Variants in GCNT3 observed in about 807,000 individuals in gnomAD.
GCNT3 encodes the protein beta-1,3-galactosyl-O-glycosyl-glycoprotein beta-1,6-N-acetylglucosaminyltransferase 3.
For synonymous variants in GCNT3, 269 were observed against 195.2 expected (o/e 1.38, Z -3.15); for missense variants, 708 against 530.3 (o/e 1.34, Z -3.29).
Position 59,619,052 on chromosome 15 carries a change from G to T in GCNT3, c.814G>T (p.Val272Leu). The T allele has an allele frequency of 6.2e-7, 1 of 1,614,132 alleles. No homozygotes were observed. Among genetic ancestry groups the T allele is most frequent in the Non-Finnish European group, 8.5e-7 (1 of 1,179,976 alleles). Residue 272 changes from valine (V) to leucine (L), a missense_variant, in exon 3 of 3, where the codon GTG (valine) becomes TTG (leucine). Val to Leu is a conservative substitution (Grantham distance 32). Coordinates refer to ENST00000396065, the MANE Select transcript of GCNT3 (RefSeq NM_004751.3). ...CCGCTGGAAATATCACTTTGAGGTA[G>T]TGAGAGACACATTACACCTAACCAA... The part of the protein sequence containing the change: ...ETRWKYHFEV[V>L]RDTLHLTNKK...
rs1339999286 is a variant in GCNT3, at chr15:59,617,174, C to CT, written c.-61+296dup. ...TCTTTATTTTTCTTTTGTTTTCTTT[C>CT]TTTCTTTTTTTTTTTTTAAAGGGGC... On this transcript the variant is annotated intron_variant, in intron 2 of 2. Transcript: ENST00000396065. Among the ~76,000 whole-genome samples the CT allele has an allele frequency of 6.5e-4, 86 of 132,312 alleles. 1 individual carries two copies. In the East Asian group the frequency reaches 8.1e-3, roughly 12 times the overall value. 86.8% of individuals were successfully genotyped at this position (132,312 alleles called of 152,430 possible).
At position 59,620,726 on chromosome 15, in the gene GCNT3, A is replaced by G. The variant is rs1485932724; in HGVS notation, c.*1171A>G. ...AGCCAATCAGGTAAGGTAATGTGTA[A>G]TTCATTATTCAAAGTGGAACATGTT... On this transcript the variant is annotated 3_prime_UTR_variant, in exon 3 of 3. Coordinates refer to ENST00000396065, the MANE Select transcript of GCNT3 (RefSeq NM_004751.3). The G allele has an allele frequency of 6.0e-6, 1 of 167,024 alleles. No individual in the cohort carries two copies. The highest frequency in any genetic ancestry group is 1.5e-5 in the Non-Finnish European group (1 of 68,116). The allele number at this position is 167,024 out of a possible 1,614,324, so 10.3% of individuals were successfully genotyped here.
rs1430842043 is a variant in GCNT3 at position 59,618,678 on chromosome 15, A to C, written c.440A>C (p.Glu147Ala). The C allele has an allele frequency of 1.2e-6, 2 of 1,614,076 alleles. No individual in the cohort carries two copies. Among genetic ancestry groups the C allele is most frequent in the African/African-American group, 2.7e-5 (2 of 74,936 alleles). ...ATTCATGAGAAGATTGAAAACTTTG[A>C]AAGGCTACTGCGAGCTGTGTATGCC... ...MVIHEKIENF[E>A]RLLRAVYAPQ... The change falls in exon 3 of 3, where the codon GAA becomes GCA. Residue 147 changes from glutamate (E) to alanine (A), a missense_variant. Coordinates refer to ENST00000396065, the MANE Select transcript of GCNT3 (RefSeq NM_004751.3).
At chr15:59,612,934 A>G (rs1244241866) in intron 1 of GCNT3, among the ~76,000 whole-genome samples, 14 of 151,814 alleles carry the variant, frequency 9.2e-5, no homozygotes, top group Non-Finnish European at 8.8e-5. Flanking sequence ...CCCTCACTAC[A>G]TCATAAACAT....
intron 1 of GCNT3, among the ~76,000 whole-genome samples, chr15:59,614,231 A>G (rs1171376487): frequency 2.0e-5 from 3 of 152,212 alleles, no homozygotes; most frequent in African/African-American, 7.2e-5. Context: ...TTTATACTCA[A>G]CAATGGAAAG....
chr15:59,612,127 A>C (rs1388863848), intron 1 of GCNT3, 146 bp downstream of exon 1: 1 of 152,210 alleles, frequency 6.6e-6, no homozygotes, highest in African/African-American at 2.4e-5. Context: ...GGTTAACATC[A>C]AATCCCACTG....
In GCNT3 at chr15:59,618,855, A is replaced by C; in HGVS notation, c.617A>C (p.Asp206Ala). 1.9e-6 allele frequency: 3 copies of C among 1,614,114 alleles called. No individual in the cohort carries two copies. The highest frequency in any genetic ancestry group is 2.5e-6 in the Non-Finnish European group (3 of 1,180,002). ...VYASWSRVQA[D>A]LNCMEDLLQS... Reference sequence around the variant, plus strand: ...GCCTCCTGGTCCAGGGTGCAAGCTGACCTCAACTGCATGGAAGACTTGCTC... The same window carrying C: ...GCCTCCTGGTCCAGGGTGCAAGCTGCCCTCAACTGCATGGAAGACTTGCTC... The change falls in exon 3 of 3, where the codon GAC (aspartate) becomes GCC (alanine). Residue 206 changes from aspartate (D) to alanine (A), a missense_variant. Asp to Ala is a moderately radical substitution (Grantham distance 126). Coordinates refer to ENST00000396065, the MANE Select transcript of GCNT3 (RefSeq NM_004751.3).
Position 59,618,250 on chromosome 15 carries a change from G to GA in GCNT3, c.14dup (p.Arg6GlufsTer31), listed in dbSNP as rs767521486. The GA allele has an allele frequency of 6.4e-7, 1 of 1,570,624 alleles. No homozygotes were observed. Among genetic ancestry groups the GA allele is most frequent in the South Asian group, 1.2e-5 (1 of 84,814 alleles). ...CCCATTCTGTGACGATGGTTCAATGGAAGAGACTCTGCCAGCTGCATTACT... is the reference window on the plus strand; with the variant it reads ...CCCATTCTGTGACGATGGTTCAATGGAAAGAGACTCTGCCAGCTGCATTACT... On this transcript the variant is annotated frameshift_variant, in exon 3 of 3. Transcript: ENST00000396065. LOFTEE classifies it low-confidence loss of function (END_TRUNC).
Position 59,620,277 on chromosome 15 carries a change from C to G in GCNT3, c.*722C>G, listed in dbSNP as rs1275247623. 6.1e-6 allele frequency: 1 copy of G among 162,616 alleles called. No homozygotes were observed. The highest frequency in any genetic ancestry group is 2.4e-5 in the African/African-American group (1 of 41,440). The allele number at this position is 162,616 out of a possible 1,614,324, so 10.1% of individuals were successfully genotyped here. ...CCGCCTCCCAGGTTCAAGCGATACTCCCACCTCAGCCTCCTGAGTAGCTGG... is the reference window on the plus strand; with the variant it reads ...CCGCCTCCCAGGTTCAAGCGATACTGCCACCTCAGCCTCCTGAGTAGCTGG... On this transcript the variant is annotated 3_prime_UTR_variant, in exon 3 of 3. Coordinates refer to ENST00000396065, the MANE Select transcript of GCNT3 (RefSeq NM_004751.3).
chr15:59,616,571 C>A (rs1336752786), intron 1 of GCNT3, 121 bp from the exon 2 acceptor site: 3 of 152,208 alleles, frequency 2.0e-5, no homozygotes, highest in African/African-American at 7.2e-5. Context: ...CCTCACTGAC[C>A]TCCCTGAATG....
rs756719153 is a variant in GCNT3, at chr15:59,619,913, T to G, written c.*358T>G. On this transcript the variant is annotated 3_prime_UTR_variant, in exon 3 of 3. Transcript: ENST00000396065. ...CATTCTGTGGAGCTGCCGTTCCTAA[T>G]AATTCCAGGTTTGGTAGCGTGGAGG... The G allele has an allele frequency of 1.0e-5, 2 of 199,028 alleles. No individual in the cohort carries two copies. Among genetic ancestry groups the G allele is most frequent in the Non-Finnish European group, 2.3e-5 (2 of 87,420 alleles). 12.3% of individuals were successfully genotyped at this position (199,028 alleles called of 1,614,324 possible).
At chr15:59,614,792 C>T (rs1405400340) in intron 1 of GCNT3, among the ~76,000 whole-genome samples, 2 of 152,164 alleles carry the variant, frequency 1.3e-5, no homozygotes. Flanking sequence ...TAATGCAGCC[C>T]AGTAGGTCTC....
In GCNT3 at chr15:59,619,343, C is replaced by T. The variant is rs750558900; in HGVS notation, c.1105C>T (p.His369Tyr). 17 of 1,614,096 alleles carry T rather than the reference C, an allele frequency of 1.1e-5. No homozygotes were observed. The highest frequency in any genetic ancestry group is 1.4e-5 in the Non-Finnish European group (16 of 1,180,004). Residue 369 changes from histidine to tyrosine, a missense_variant, in exon 3 of 3, where the codon CAT (histidine) becomes TAT (tyrosine). Transcript: ENST00000396065. ...TGCCAGGCTGGTCAAGTGGCAGGGTCATGAGGGAGACATCGATAAGGGTGC... is the reference window on the plus strand; with the variant it reads ...TGCCAGGCTGGTCAAGTGGCAGGGTTATGAGGGAGACATCGATAAGGGTGC... ...SIARLVKWQG[H>Y]EGDIDKGAPY...
At chr15:59,612,286 C>G (rs141700977) in intron 1 of GCNT3, among the ~76,000 whole-genome samples, 1 of 152,150 alleles carries the variant, frequency 6.6e-6, no homozygotes, top group South Asian at 2.1e-4. Flanking sequence ...GAAGCCTGAA[C>G]TAGTGATTAG....
At chr15:59,616,539 G>A (rs1393149830) in intron 1 of GCNT3, 153 bp from the exon 2 acceptor site, 1 of 152,208 alleles carries the variant, frequency 6.6e-6, no homozygotes, top group African/African-American at 2.4e-5. Flanking sequence ...TGCCTTGTCG[G>A]ATATTGCCAG....
intron 1 of GCNT3, among the ~76,000 whole-genome samples, chr15:59,612,974 A>T (rs2082703106): frequency 6.6e-6 from 1 of 151,856 alleles, no homozygotes; most frequent in Non-Finnish European, 1.5e-5. Flanking sequence ...AGAGTTCAGG[A>T]ATGCTACTTG....
intron 2 of GCNT3, among the ~76,000 whole-genome samples, chr15:59,617,467 G>A (rs756780737): frequency 3.0e-4 from 45 of 151,948 alleles, no homozygotes; most frequent in Non-Finnish European, 7.4e-5. Flanking sequence ...TGGTTGTGAA[G>A]GTTATTAAAT....
Position 59,621,584 on chromosome 15 carries a change from T to C in GCNT3, c.*2029T>C, listed in dbSNP as rs1185894198. 2 of 73,626 alleles carry C rather than the reference T, an allele frequency of 2.7e-5. No individual in the cohort carries two copies. The highest frequency in any genetic ancestry group is 1.1e-4 in the African/African-American group (2 of 18,974). The allele number at this position is 73,626 out of a possible 1,614,324, so 4.6% of individuals were successfully genotyped here. On this transcript the variant is annotated 3_prime_UTR_variant, in exon 3 of 3. Coordinates refer to ENST00000396065, the MANE Select transcript of GCNT3 (RefSeq NM_004751.3). ...TGTCATTAATATGTTTCTTCCTTTC[T>C]GATTTTTGTTTTTTTTTTTTTTTTT...
chr15:59,618,415 C>T lies in GCNT3; in HGVS notation c.177C>T (p.Phe59=). Residue 59 remains phenylalanine (F), a synonymous_variant, in exon 3 of 3, where the codon TTC becomes TTT. Coordinates refer to ENST00000396065, the MANE Select transcript of GCNT3 (RefSeq NM_004751.3). ...SQYCRNILYN[F]LKLPAKRSIN... ...ACTGTAGGAATATCTTGTATAATTTCCTGAAACTTCCAGCAAAGAGGTCTA... is the reference window on the plus strand; with the variant it reads ...ACTGTAGGAATATCTTGTATAATTTTCTGAAACTTCCAGCAAAGAGGTCTA... 1 of 1,614,082 alleles carries T rather than the reference C, an allele frequency of 6.2e-7. No individual in the cohort carries two copies. Among genetic ancestry groups the T allele is most frequent in the Non-Finnish European group, 8.5e-7 (1 of 1,179,988 alleles).
Sources: gnomAD v4.1 joint callset for allele counts (sites outside exome capture counted in the v4.1 genomes callset) on GRCh38, gnomAD v4.1.1 for gene constraint, MANE v1.5 for transcripts, NCBI Gene and HGNC (gene_info 2026-07-23, HGNC 2026-07-21) for gene names.